CCND3: variants seen among roughly 807,000 people sequenced by gnomAD.
CCND3 encodes the protein G1/S-specific cyclin-D3.
In CCND3, 9 loss-of-function variants were observed where a neutral mutation model predicts 28.7. That is an observed-to-expected ratio of 0.31 (90% CI 0.19 to 0.55). CCND3 has a LOEUF of 0.55. CCND3 is among the 20% of genes least tolerant of loss of function. The probability of loss-of-function intolerance (pLI) is 0.93; values close to 1 mark genes in which losing one functional copy is unlikely to be tolerated. For synonymous variants in CCND3, 164 were observed against 163.9 expected, an observed-to-expected ratio of 1.00 and a Z score of 0.00; for missense variants, 315 against 385.8, an observed-to-expected ratio of 0.82 and a Z score of 1.54.
At chr6:41,961,671 C>T (rs555558559) in intron 1 of CCND3, among the ~76,000 whole-genome samples, 1 of 152,218 alleles carries the variant, frequency 6.6e-6, no homozygotes, top group Non-Finnish European at 1.5e-5. Flanking sequence ...CTAGATAAGC[C>T]AAGTCCCTGT....
chr6:42,009,179 G>A (rs1475931255), intron 1 of CCND3, among the ~76,000 whole-genome samples: 3 of 152,188 alleles, frequency 2.0e-5, no homozygotes, highest in Non-Finnish European at 4.4e-5. Context: ...CTACTTATCA[G>A]AAACCTTAAG....
At chr6:41,963,122 A>G (rs368860355) in intron 1 of CCND3, among the ~76,000 whole-genome samples, 2 of 152,162 alleles carry the variant, frequency 1.3e-5, no homozygotes, top group African/African-American at 2.4e-5. Context: ...TGCTTCCCCA[A>G]CACACAGGCA....
At chr6:42,044,485 CA>C (rs781153642) in intron 1 of CCND3, among the ~76,000 whole-genome samples, 48 of 152,188 alleles carry the variant, frequency 3.2e-4, no homozygotes, top group Non-Finnish European at 1.3e-4. Context: ...AAAATCACAT[CA>C]GGGGTTTACA....
intron 3 of CCND3, 166 bp downstream of exon 3, chr6:41,937,069 T>C (rs1370508768): frequency 4.2e-6 from 3 of 721,576 alleles, no homozygotes; most frequent in Middle Eastern, 3.3e-4. Flanking sequence ...TGAGATCCCA[T>C]ATAGCTGATT....
intron 1 of CCND3, among the ~76,000 whole-genome samples, chr6:41,995,051 G>A (rs995035174): frequency 4.0e-5 from 6 of 151,886 alleles, no homozygotes; most frequent in African/African-American, 9.7e-5. Context: ...CAGCCTGGGC[G>A]ACAGAGTGAG....
intron 1 of CCND3, among the ~76,000 whole-genome samples, chr6:41,967,126 G>C (rs907029678): frequency 1.3e-5 from 2 of 152,056 alleles, no homozygotes; most frequent in Non-Finnish European, 2.9e-5. Context: ...AAACATTTTT[G>C]AGGTTTTCTT....
chr6:41,947,195 TG>T (rs1270001170), intron 1 of CCND3, among the ~76,000 whole-genome samples: 3 of 149,638 alleles, frequency 2.0e-5, no homozygotes, highest in African/African-American at 7.4e-5. Context: ...CACTCCAGCC[TG>T]GGCAACAGAG....
intron 1 of CCND3, among the ~76,000 whole-genome samples, chr6:42,014,469 C>A (rs756802665): frequency 2.6e-5 from 4 of 152,188 alleles, no homozygotes; most frequent in Non-Finnish European, 5.9e-5. Flanking sequence ...GTCTTTCAAT[C>A]AGTAAAACAA....
chr6:42,024,808 C>T (rs28478815), intron 1 of CCND3, among the ~76,000 whole-genome samples: 1 of 152,120 alleles, frequency 6.6e-6, no homozygotes. Context: ...CCTGTAATCC[C>T]AGCACTTTGG....
chr6:42,041,720 G>A (rs553376722), intron 1 of CCND3, among the ~76,000 whole-genome samples: 1 of 152,260 alleles, frequency 6.6e-6, no homozygotes, highest in South Asian at 2.1e-4. Flanking sequence ...TATTCCCAGT[G>A]GATTCCACAG....
At chr6:41,955,648 C>T (rs1776417644) in intron 1 of CCND3, among the ~76,000 whole-genome samples, 1 of 100,486 alleles carries the variant, frequency 1.0e-5, no homozygotes, top group Non-Finnish European at 2.1e-5. Flanking sequence ...GACCCTATCT[C>T]TACAAAAAAA....
chr6:42,033,596 C>G (rs1298729584), intron 1 of CCND3, among the ~76,000 whole-genome samples: 1 of 151,774 alleles, frequency 6.6e-6, no homozygotes, highest in African/African-American at 2.4e-5. Context: ...ACCTGTAATC[C>G]CAGCACTTTG....
intron 1 of CCND3, among the ~76,000 whole-genome samples, chr6:42,033,896 T>C (rs1021372275): frequency 6.6e-6 from 1 of 151,970 alleles, no homozygotes; most frequent in African/African-American, 2.4e-5. Context: ...TTTTAATGCC[T>C]ATAATCCCAG....
At chr6:42,008,708 T>C (rs1763250184) in intron 1 of CCND3, among the ~76,000 whole-genome samples, 1 of 152,212 alleles carries the variant, frequency 6.6e-6, no homozygotes, top group Non-Finnish European at 1.5e-5. Context: ...TGTAAATACT[T>C]ATGTATATAT....
Position 41,936,612 on chromosome 6 carries a change from TGGAGCAG to T in CCND3, c.651_657del (p.Ser219ProfsTer83), listed in dbSNP as rs1775806495. 1 of 1,614,058 alleles carries T rather than the reference TGGAGCAG, an allele frequency of 6.2e-7. No individual in the cohort carries two copies. Among genetic ancestry groups the T allele is most frequent in the African/African-American group, 1.3e-5 (1 of 74,926 alleles). ...AGCTCTGTGAGCTCATCCCCGGACATGGAGCAGGCACCCAGGCCTTGCACTGCAGCCC... is the reference window on the plus strand; with the variant it reads ...AGCTCTGTGAGCTCATCCCCGGACATGCACCCAGGCCTTGCACTGCAGCCC... On this transcript the variant is annotated frameshift_variant, in exon 4 of 5. Transcript: ENST00000372991. LOFTEE classifies it high-confidence loss of function. The surrounding 1 kb of genome is among the most constrained non-coding windows in gnomAD (Gnocchi z 4.4).
At chr6:42,030,987 T>A (rs938067803) in intron 1 of CCND3, among the ~76,000 whole-genome samples, 12 of 152,092 alleles carry the variant, frequency 7.9e-5, no homozygotes, top group Non-Finnish European at 1.8e-4. Flanking sequence ...AAGAGTGGAA[T>A]GTGGAGCTCA....
intron 1 of CCND3, among the ~76,000 whole-genome samples, chr6:42,045,443 C>T (rs905032854): frequency 3.3e-5 from 5 of 152,180 alleles, no homozygotes; most frequent in African/African-American, 9.7e-5. Context: ...TTAAATGAGA[C>T]AGTACAAGTA....
chr6:41,937,638 T>C, intron 2 of CCND3: 2 of 552,652 alleles, frequency 3.6e-6, no homozygotes, highest in Middle Eastern at 4.9e-4. Flanking sequence ...ACATGGATTA[T>C]CCCTTTTAAT....
chr6:41,947,220 CA>C (rs777778608), intron 1 of CCND3, among the ~76,000 whole-genome samples: 2,125 of 122,378 alleles, frequency 0.017, 42 homozygotes, highest in African/African-American at 0.056. Context: ...GACTCCGTCT[CA>C]AAAAAAAAAA....
Sources: allele counts gnomAD v4.1 joint callset (sites outside exome capture counted in the v4.1 genomes callset), GRCh38; gene constraint gnomAD v4.1.1; non-coding constraint Gnocchi (gnomAD v3.1); transcripts MANE v1.5; gene names NCBI Gene and HGNC (gene_info 2026-07-23, HGNC 2026-07-21).